GSAP: variants seen among roughly 807,000 people sequenced by gnomAD.
GSAP encodes the protein gamma-secretase activating protein.
A neutral mutation model predicts 131.7 loss-of-function variants in GSAP; 118 were observed. That is an observed-to-expected ratio of 0.90 (90% CI 0.77 to 1.04). The LOEUF is 1.04. GSAP is among the 50% of genes least tolerant of loss of function. The probability of loss-of-function intolerance (pLI) is 0.00; values close to 1 mark genes in which losing one functional copy is unlikely to be tolerated. For synonymous variants in GSAP, 381 were observed against 363.4 expected (o/e 1.05, Z -0.55); for missense variants, 1,019 against 1,013.2 (o/e 1.01, Z -0.08).
In GSAP at chr7:77,355,397, C is replaced by T; in HGVS notation, c.1154G>A (p.Cys385Tyr). ...NNEMIDMLPH[C>Y]PLQSLSGSLV... ...GGACCCTGACAATGACTGTAAAGGG[C>T]AATGAGGTAGCATATCAATCATTTC... Residue 385 changes from cysteine to tyrosine, a missense_variant, in exon 16 of 31, where the codon TGC becomes TAC. Coordinates refer to ENST00000257626, the MANE Select transcript of GSAP (RefSeq NM_017439.4). 6.7e-7 allele frequency: 1 copy of T among 1,485,986 alleles called. No homozygotes were observed. The highest frequency in any genetic ancestry group is 1.1e-5 in the South Asian group (1 of 87,706). The allele number at this position is 1,485,986 out of a possible 1,614,324, so 92.1% of individuals were successfully genotyped here.
intron 14 of GSAP, among the ~76,000 whole-genome samples, chr7:77,359,019 T>C (rs181420351): frequency 1.1e-4 from 16 of 152,274 alleles, no homozygotes; most frequent in Non-Finnish European, 1.6e-4. Context: ...ACATCGCCTC[T>C]ACTGAAACTA....
At position 77,326,254 on chromosome 7, in the gene GSAP, G is replaced by A; in HGVS notation, c.1785C>T (p.Leu595=). 2 of 1,613,064 alleles carry A rather than the reference G, an allele frequency of 1.2e-6. No individual in the cohort carries two copies. Among genetic ancestry groups the A allele is most frequent in the Non-Finnish European group, 1.7e-6 (2 of 1,179,356 alleles). ...ARNLGPRLTP[L]LQEEDSHQRL... The stretch of plus-strand genomic sequence containing the variant: ...GCTGGTGGCTGTCTTCCTCCTGCAG[G>A]AGGGGTGTTAATCTTGGCCCTGAAA... The change falls in exon 23 of 31, where the codon CTC becomes CTT. Residue 595 remains leucine (L), a synonymous_variant. Transcript: ENST00000257626.
At chr7:77,408,660 C>A in intron 1 of GSAP, among the ~76,000 whole-genome samples, 1 of 123,864 alleles carries the variant, frequency 8.1e-6, no homozygotes, top group Admixed American at 9.6e-5. Flanking sequence ...GGGATTGAGC[C>A]ATTGCACTTC....
At chr7:77,399,063 C>T (rs1800897619) in intron 3 of GSAP, among the ~76,000 whole-genome samples, 3 of 152,290 alleles carry the variant, frequency 2.0e-5, no homozygotes, top group South Asian at 2.1e-4. Context: ...TTGCCTCCTA[C>T]ATTTAGGTAA....
chr7:77,415,564 C>A (rs1351685733), intron 1 of GSAP: 1 of 152,296 alleles, frequency 6.6e-6, no homozygotes, highest in Non-Finnish European at 1.5e-5. Flanking sequence ...CGCGCGCAGC[C>A]CCAGCCTGCA....
intron 10 of GSAP, among the ~76,000 whole-genome samples, chr7:77,375,621 G>A (rs549094167): frequency 6.6e-6 from 1 of 152,292 alleles, no homozygotes; most frequent in Admixed American, 6.5e-5. Context: ...AAGGCAGGTG[G>A]ATTGCTTGAG....
At chr7:77,346,266 A>G in intron 19 of GSAP, among the ~76,000 whole-genome samples, 1 of 136,996 alleles carries the variant, frequency 7.3e-6, no homozygotes, top group Non-Finnish European at 1.6e-5. Flanking sequence ...ATGAGACTCC[A>G]TCTCAAAAAA....
intron 19 of GSAP, among the ~76,000 whole-genome samples, chr7:77,346,270 C>CAATA (rs1791828588): frequency 2.4e-5 from 1 of 40,884 alleles, no homozygotes; most frequent in African/African-American, 9.9e-5. Flanking sequence ...GACTCCATCT[C>CAATA]AAAAAAAAAA....
chr7:77,415,590 G>C (rs1804223287), intron 1 of GSAP: 2 of 152,334 alleles, frequency 1.3e-5, no homozygotes, highest in South Asian at 4.1e-4. Flanking sequence ...GCGGAGCTCG[G>C]GGGCGGCTGG....
intron 12 of GSAP, among the ~76,000 whole-genome samples, chr7:77,366,394 T>C (rs1795317248): frequency 6.6e-6 from 1 of 152,198 alleles, no homozygotes; most frequent in African/African-American, 2.4e-5. Flanking sequence ...CTTTAATGCA[T>C]CTTGAGTTGA....
chr7:77,386,412 G>A (rs1002745334), intron 6 of GSAP, among the ~76,000 whole-genome samples: 6 of 152,256 alleles, frequency 3.9e-5, no homozygotes, highest in African/African-American at 1.4e-4. Flanking sequence ...GTTCAGGATT[G>A]TCTTTTGGGA....
At chr7:77,319,523 T>C (rs1279316424) in intron 26 of GSAP, among the ~76,000 whole-genome samples, 1 of 152,202 alleles carries the variant, frequency 6.6e-6, no homozygotes, top group Non-Finnish European at 1.5e-5. Context: ...AATCAATATA[T>C]GATCCAGTAA....
intron 19 of GSAP, among the ~76,000 whole-genome samples, chr7:77,334,414 G>A (rs915441366): frequency 6.6e-6 from 1 of 151,698 alleles, no homozygotes; most frequent in African/African-American, 2.4e-5. Context: ...CACACACTGG[G>A]GCCTGTTGGG....
intron 12 of GSAP, among the ~76,000 whole-genome samples, chr7:77,372,580 G>T (rs1796294262): frequency 6.6e-6 from 1 of 152,194 alleles, no homozygotes; most frequent in South Asian, 2.1e-4. Flanking sequence ...ATTTTTGAAT[G>T]GACTTGGTCA....
At chr7:77,353,445 T>G (rs1584439676) in intron 17 of GSAP, 127 bp downstream of exon 17, 1 of 329,834 alleles carries the variant, frequency 3.0e-6, no homozygotes, top group African/African-American at 2.4e-5. Flanking sequence ...TAGAGTTTTG[T>G]TTTTTTTTTT....
intron 1 of GSAP, among the ~76,000 whole-genome samples, chr7:77,414,847 T>TTTTTTTTG: frequency 5.3e-5 from 1 of 18,850 alleles, no homozygotes; most frequent in African/African-American, 2.5e-4. Context: ...TGGGCGACTT[T>TTTTTTTTG]TTTTTTTTTT....
At chr7:77,412,704 T>C (rs552194646) in intron 1 of GSAP, among the ~76,000 whole-genome samples, 2 of 149,432 alleles carry the variant, frequency 1.3e-5, no homozygotes, top group African/African-American at 4.9e-5. Flanking sequence ...GCAGGGAGAT[T>C]CAAGTGGCCA....
intron 2 of GSAP, among the ~76,000 whole-genome samples, chr7:77,405,474 A>G (rs1448567011): frequency 6.6e-6 from 1 of 152,192 alleles, no homozygotes. Flanking sequence ...TCAAAATTTG[A>G]GTATTATGTC....
chr7:77,406,069 A>C lies in GSAP; in HGVS notation c.146T>G (p.Leu49Ter). 3 of 1,137,502 alleles carry C rather than the reference A, an allele frequency of 2.6e-6. No homozygotes were observed. Among genetic ancestry groups the C allele is most frequent in the Non-Finnish European group, 3.6e-6 (3 of 838,430 alleles). 70.5% of individuals were successfully genotyped at this position (1,137,502 alleles called of 1,614,324 possible). Reference protein sequence around the residue: ...LENDYESLHVLNVERNGNIIY... With the variant: ...LENDYESLHV ...AATATTTCCATTTCTTTCAACATTT[A>C]ATACATGTAAGCTCTCATAATCGTT... Residue 49 changes from leucine (L) to a stop codon, truncating the protein, a stop_gained, in exon 2 of 31, where the codon TTA becomes TGA. Coordinates refer to ENST00000257626, the MANE Select transcript of GSAP (RefSeq NM_017439.4). LOFTEE classifies it high-confidence loss of function.
Sources: allele counts gnomAD v4.1 joint callset (sites outside exome capture counted in the v4.1 genomes callset), GRCh38; gene constraint gnomAD v4.1.1; transcripts MANE v1.5; gene names NCBI Gene and HGNC (gene_info 2026-07-23, HGNC 2026-07-21).